Variants in NAV2 observed in about 807,000 individuals in gnomAD.
NAV2 encodes helicase, APC down-regulated 1.
In NAV2, 54 loss-of-function variants were observed where a neutral mutation model predicts 223.2. That is an observed-to-expected ratio of 0.24 (90% confidence interval 0.19 to 0.30). The LOEUF (loss-of-function observed/expected upper bound fraction) is 0.30. Ranked by LOEUF, NAV2 falls within the 10% of genes least tolerant of loss-of-function variation. The pLI is 1.00. For synonymous variants in NAV2, 1,279 were observed against 1,239.3 expected, an observed-to-expected ratio of 1.03 and a Z score of -0.67; for missense variants, 2,806 against 3,147.5, an observed-to-expected ratio of 0.89 and a Z score of 2.60.
intron 6 of NAV2, among the ~76,000 whole-genome samples, chr11:19,916,423 A>G (rs2043811807): frequency 6.6e-6 from 1 of 152,220 alleles, no homozygotes; most frequent in African/African-American, 2.4e-5. Context: ...TAATACATAA[A>G]AGTTGCTGTT....
chr11:19,689,221 C>T (rs1361950263), intron 1 of NAV2, among the ~76,000 whole-genome samples: 2 of 152,178 alleles, frequency 1.3e-5, no homozygotes, highest in Non-Finnish European at 2.9e-5. Flanking sequence ...AAGCCTCAGC[C>T]AGTCCCTGGA....
At chr11:19,519,247 C>A (rs1199363782) in intron 1 of NAV2, among the ~76,000 whole-genome samples, 1 of 152,302 alleles carries the variant, frequency 6.6e-6, no homozygotes, top group African/African-American at 2.4e-5. Context: ...ACCAACTGGG[C>A]CTCTCAGGGC....
chr11:19,945,788 G>A lies in NAV2; in HGVS notation c.2147-613G>A, dbSNP rs377638480. Among the ~76,000 whole-genome samples the A allele has an allele frequency of 5.9e-5, 9 of 152,308 alleles. No individual in the cohort carries two copies. In the East Asian group the frequency reaches 9.7e-4, roughly 16 times the overall value. ...CCTTTGAGGTCAGTACTACCACTGC[G>A]TTCCTTTTAGAAAAGTGAAGTCTGA... On this transcript the variant is annotated intron_variant, in intron 8 of 37. Coordinates refer to ENST00000349880, the MANE Select transcript of NAV2 (RefSeq NM_145117.5).
intron 1 of NAV2, among the ~76,000 whole-genome samples, chr11:19,355,253 T>C (rs948247210): frequency 3.6e-3 from 1 of 274 alleles, no homozygotes; most frequent in Non-Finnish European, 0.019. Context: ...TGTTGGTTGT[T>C]TTTTTTTTTT....
intron 1 of NAV2, among the ~76,000 whole-genome samples, chr11:19,795,045 C>T (rs944531923): frequency 6.6e-6 from 1 of 152,166 alleles, no homozygotes; most frequent in African/African-American, 2.4e-5. Context: ...CTTCCTTTCC[C>T]AGGTACAGGA....
intron 37 of NAV2, among the ~76,000 whole-genome samples, chr11:20,115,888 G>A (rs906890302): frequency 2.0e-4 from 30 of 152,150 alleles, no homozygotes; most frequent in African/African-American, 6.5e-4. Flanking sequence ...ACTCCAGCCT[G>A]GTTGATAGAA....
At chr11:19,986,905 T>C (rs2050842960) in intron 11 of NAV2, among the ~76,000 whole-genome samples, 1 of 152,230 alleles carries the variant, frequency 6.6e-6, no homozygotes, top group South Asian at 2.1e-4. Flanking sequence ...AATCGCAAAT[T>C]TAGTCTCATG....
chr11:20,043,895 A>C, intron 12 of NAV2, 86 bp from the exon 13 acceptor site: 1 of 1,239,626 alleles, frequency 8.1e-7, no homozygotes, highest in Non-Finnish European at 1.2e-6. Context: ...TAACTACTCC[A>C]GTGTTTTGGC....
intron 1 of NAV2, chr11:19,384,891 G>T (rs1848977114): frequency 6.6e-6 from 1 of 152,132 alleles, no homozygotes; most frequent in Non-Finnish European, 1.5e-5. Context: ...ATGTGCTTTT[G>T]CAAGAATGAG....
intron 3 of NAV2, among the ~76,000 whole-genome samples, chr11:19,866,187 A>G (rs1022167540): frequency 3.3e-5 from 5 of 152,262 alleles, no homozygotes; most frequent in African/African-American, 9.6e-5. Flanking sequence ...GGGCTTCTCA[A>G]TCTCAGCACT....
intron 1 of NAV2, among the ~76,000 whole-genome samples, chr11:19,583,060 TG>T (rs2045774955): frequency 6.6e-6 from 1 of 152,236 alleles, no homozygotes. Flanking sequence ...CATTGAGCAG[TG>T]GTTTGTAGTT....
chr11:19,676,470 T>G (rs1004690941), intron 1 of NAV2, among the ~76,000 whole-genome samples: 8 of 104,786 alleles, frequency 7.6e-5, no homozygotes, highest in Admixed American at 3.9e-4. Context: ...TTTCCCTCCT[T>G]ACCTCTCCCT....
chr11:20,093,327 C>T, intron 29 of NAV2, 128 bp downstream of exon 29: 1 of 661,740 alleles, frequency 1.5e-6, no homozygotes, highest in South Asian at 1.8e-5. Flanking sequence ...ACTAACCCTT[C>T]TCTTAACTAA....
At position 19,583,384 on chromosome 11, in the gene NAV2, G is replaced by A. The variant is rs570086012; in HGVS notation, c.75+232357G>A. ...TACCCTTTATTTCCTTCTCCTGCCTGATTGCCCTGGCCAGAACTTCCAACA... is the reference window on the plus strand; with the variant it reads ...TACCCTTTATTTCCTTCTCCTGCCTAATTGCCCTGGCCAGAACTTCCAACA... On this transcript the variant is annotated intron_variant, in intron 1 of 37. Transcript: ENST00000360655. Among the ~76,000 whole-genome samples, 55 of 146,084 alleles carry A rather than the reference G, an allele frequency of 3.8e-4. 2 individuals are homozygous for A. Among genetic ancestry groups the A allele is most frequent in the African/African-American group, 1.3e-3 (53 of 39,480 alleles).
At chr11:19,973,435 G>A (rs2049425828) in intron 10 of NAV2, among the ~76,000 whole-genome samples, 1 of 152,192 alleles carries the variant, frequency 6.6e-6, no homozygotes, top group Non-Finnish European at 1.5e-5. Context: ...GATGATGATT[G>A]GCAGGTGTGT....
At chr11:19,829,671 T>G (rs2152892113) in intron 1 of NAV2, among the ~76,000 whole-genome samples, 1 of 152,288 alleles carries the variant, frequency 6.6e-6, no homozygotes, top group East Asian at 1.9e-4. Context: ...GCATAGAAGC[T>G]AAGATTAAAG....
intron 5 of NAV2, among the ~76,000 whole-genome samples, chr11:19,887,161 T>C (rs992662661): frequency 1.3e-5 from 2 of 152,116 alleles, no homozygotes; most frequent in African/African-American, 4.8e-5. Flanking sequence ...AGACCAAGCA[T>C]TGGTGGAACA....
chr11:19,530,834 CA>C (rs1455917419), intron 1 of NAV2, among the ~76,000 whole-genome samples: 2 of 152,218 alleles, frequency 1.3e-5, no homozygotes, highest in African/African-American at 4.8e-5. Flanking sequence ...AGATTAGAAA[CA>C]GGCTGAGAGT....
chr11:19,861,744 T>G (rs1023357171), intron 3 of NAV2, among the ~76,000 whole-genome samples: 1 of 152,234 alleles, frequency 6.6e-6, no homozygotes, highest in Admixed American at 6.5e-5. Context: ...AGCTTGATGA[T>G]TCCTTTTGGA....
Sources: allele counts gnomAD v4.1 joint callset (sites outside exome capture counted in the v4.1 genomes callset), GRCh38; gene constraint gnomAD v4.1.1; transcripts MANE v1.5; gene names NCBI Gene and HGNC (gene_info 2026-07-23, HGNC 2026-07-21).